Variants in PTPRT observed in about 807,000 individuals in gnomAD.
PTPRT encodes the protein receptor-type tyrosine-protein phosphatase T.
A neutral mutation model predicts 176.8 loss-of-function variants in PTPRT; 56 were observed. The observed-to-expected ratio is 0.32, with a 90% confidence interval of 0.26 to 0.40. The LOEUF (loss-of-function observed/expected upper bound fraction) is 0.40, where lower values mean the gene tolerates loss of function less well. Ranked by LOEUF, PTPRT falls within the 10% of genes least tolerant of loss-of-function variation. The pLI, the probability that PTPRT is intolerant of heterozygous loss-of-function variation, is 1.00. For synonymous variants in PTPRT, 783 were observed against 739.0 expected, an observed-to-expected ratio of 1.06 and a Z score of -0.96; for missense variants, 1,540 against 1,908.2, an observed-to-expected ratio of 0.81 and a Z score of 3.60.
chr20:43,075,604 T>C (rs1184355970), intron 1 of PTPRT, among the ~76,000 whole-genome samples: 1 of 152,250 alleles, frequency 6.6e-6, no homozygotes, highest in Non-Finnish European at 1.5e-5. Flanking sequence ...TCATTTAACA[T>C]GAACTCTTCC....
At chr20:42,507,117 C>T (rs1294083322) in intron 7 of PTPRT, among the ~76,000 whole-genome samples, 1 of 152,084 alleles carries the variant, frequency 6.6e-6, no homozygotes, top group Admixed American at 6.5e-5. Context: ...GTTTCCCACT[C>T]ACTTTATATA....
At chr20:42,729,741 C>T (rs1226754286) in intron 6 of PTPRT, among the ~76,000 whole-genome samples, 1 of 152,204 alleles carries the variant, frequency 6.6e-6, no homozygotes, top group African/African-American at 2.4e-5. Context: ...CCATTCAGAT[C>T]TCTTGGGGAG....
intron 1 of PTPRT, among the ~76,000 whole-genome samples, chr20:42,901,131 T>C (rs1210598764): frequency 6.6e-6 from 1 of 152,174 alleles, no homozygotes; most frequent in Non-Finnish European, 1.5e-5. Context: ...CAATAAATAG[T>C]CTGGGCTTCC....
chr20:42,295,525 AAT>A (rs2057374595), intron 12 of PTPRT, among the ~76,000 whole-genome samples: 1 of 152,170 alleles, frequency 6.6e-6, no homozygotes, highest in South Asian at 2.1e-4. Flanking sequence ...GTAAAAGTTT[AAT>A]ATGTTTAACT....
At chr20:42,771,654 T>C in intron 4 of PTPRT, 104 bp from the exon 5 acceptor site, 1 of 875,842 alleles carries the variant, frequency 1.1e-6, no homozygotes. Flanking sequence ...AGGGTGGAAC[T>C]GGCACTTAAG....
At chr20:43,000,564 A>G (rs1044603814) in intron 1 of PTPRT, among the ~76,000 whole-genome samples, 8 of 152,238 alleles carry the variant, frequency 5.3e-5, no homozygotes, top group African/African-American at 1.9e-4. Flanking sequence ...GCTAGGAAAA[A>G]AGTTAAATCA....
chr20:43,048,897 G>A (rs983426408), intron 1 of PTPRT, among the ~76,000 whole-genome samples: 3 of 152,054 alleles, frequency 2.0e-5, no homozygotes, highest in South Asian at 4.1e-4. Flanking sequence ...ACACCTGCTC[G>A]CCTCTGCCCA....
In PTPRT at chr20:42,074,025, C is replaced by T. The variant is rs1982540092; in HGVS notation, c.*6854G>A. ...TCCTAGTTATACTCAGAGGAGTGAC[C>T]TGGGTCTAGCAAACTGTGCTTGACT... On this transcript the variant is annotated 3_prime_UTR_variant, in exon 31 of 31. Coordinates refer to ENST00000373187, the MANE Select transcript of PTPRT (RefSeq NM_007050.6). 4.3e-6 allele frequency: 1 copy of T among 230,258 alleles called. No homozygotes were observed. Among genetic ancestry groups the T allele is most frequent in the Admixed American group, 5.7e-5 (1 of 17,672 alleles). 14.3% of individuals were successfully genotyped at this position (230,258 alleles called of 1,614,324 possible). A position where few individuals can be genotyped will look rare whatever the true frequency, so the allele number is the denominator to read the frequency against.
In PTPRT at chr20:42,079,395, C is replaced by A. The variant is rs1478150236; in HGVS notation, c.*1484G>T. On this transcript the variant is annotated 3_prime_UTR_variant, in exon 31 of 31. Coordinates refer to ENST00000373187, the MANE Select transcript of PTPRT (RefSeq NM_007050.6). ...GCACGGAGAAGTCTCATTGCCATTA[C>A]CTGCCCCTTTGGAACCCAGGATTTC... The A allele has an allele frequency of 1.9e-5, 4 of 214,282 alleles. No homozygotes were observed. Among genetic ancestry groups the A allele is most frequent in the Non-Finnish European group, 3.8e-5 (4 of 106,058 alleles). 13.3% of individuals were successfully genotyped at this position (214,282 alleles called of 1,614,324 possible). A position where few individuals can be genotyped will look rare whatever the true frequency, so the allele number is the denominator to read the frequency against.
At chr20:42,285,357 G>C (rs2057212244) in intron 12 of PTPRT, among the ~76,000 whole-genome samples, 1 of 151,976 alleles carries the variant, frequency 6.6e-6, no homozygotes, top group Non-Finnish European at 1.5e-5. Context: ...AAAAGATTTT[G>C]AAAGTAATAT....
chr20:42,636,856 T>C (rs986540370), intron 7 of PTPRT, among the ~76,000 whole-genome samples: 3 of 152,212 alleles, frequency 2.0e-5, no homozygotes, highest in African/African-American at 7.2e-5. Context: ...TGGTGAGATG[T>C]GCAAGTTCCA....
chr20:42,633,885 ATAAT>A (rs1368818223), intron 7 of PTPRT, among the ~76,000 whole-genome samples: 3 of 72,410 alleles, frequency 4.1e-5, no homozygotes, highest in African/African-American at 1.9e-4. Flanking sequence ...ATATTATAAT[ATAAT>A]TATTATATAT....
rs757598616 is a variant in PTPRT, at chr20:42,118,519, G to A, written c.2885-19C>T. ...ATCGGACCTGCCAACAGAGAAGACA[G>A]TGAGGTTAGAGAATGCAAGTGCAAA... On this transcript the variant is annotated intron_variant, in intron 20 of 30. Coordinates refer to ENST00000373187, the MANE Select transcript of PTPRT (RefSeq NM_007050.6). 1.3e-6 allele frequency: 2 copies of A among 1,593,290 alleles called. No homozygotes were observed. Among genetic ancestry groups the A allele is most frequent in the Non-Finnish European group, 1.7e-6 (2 of 1,168,428 alleles).
intron 1 of PTPRT, among the ~76,000 whole-genome samples, chr20:43,174,889 A>G (rs1314113926): frequency 1.3e-5 from 2 of 152,230 alleles, no homozygotes; most frequent in East Asian, 3.8e-4. Flanking sequence ...TTTATCAAAG[A>G]TATCCAATGA....
chr20:42,369,423 C>T (rs1216393942), intron 9 of PTPRT, among the ~76,000 whole-genome samples: 4 of 152,186 alleles, frequency 2.6e-5, no homozygotes, highest in Non-Finnish European at 5.9e-5. Flanking sequence ...AATTTTAATA[C>T]CCTCTCTACC....
chr20:42,215,885 C>T (rs2055757137), intron 15 of PTPRT, among the ~76,000 whole-genome samples: 1 of 152,164 alleles, frequency 6.6e-6, no homozygotes. Flanking sequence ...CTATATAGGG[C>T]CATTCCTTGC....
chr20:42,946,822 T>C (rs1383312664), intron 1 of PTPRT, among the ~76,000 whole-genome samples: 2 of 152,166 alleles, frequency 1.3e-5, no homozygotes, highest in African/African-American at 4.8e-5. Context: ...CTGTTGACAT[T>C]TTGAGCAAGG....
chr20:42,989,067 A>G (rs1983752131), intron 1 of PTPRT, among the ~76,000 whole-genome samples: 1 of 152,232 alleles, frequency 6.6e-6, no homozygotes, highest in Non-Finnish European at 1.5e-5. Flanking sequence ...GTGTGAATGA[A>G]TTAGTAAATG....
At position 43,152,211 on chromosome 20, in the gene PTPRT, G is replaced by GA. The variant is rs574161068; in HGVS notation, c.88+37434dup. ...ACAACTACCTTGAAAAGTTAGCCAAGAAAAAAAAAATGGAAGGAAATATGC... is the reference window on the plus strand; with the variant it reads ...ACAACTACCTTGAAAAGTTAGCCAAGAAAAAAAAAAATGGAAGGAAATATGC... On this transcript the variant is annotated intron_variant, in intron 1 of 30. Coordinates refer to ENST00000373187, the MANE Select transcript of PTPRT (RefSeq NM_007050.6). Among the ~76,000 whole-genome samples the GA allele has an allele frequency of 2.2e-4, 33 of 148,728 alleles. No homozygotes were observed. In the East Asian group the frequency reaches 2.9e-3, roughly 13 times the overall value.
Sources: gnomAD v4.1 joint callset for allele counts (sites outside exome capture counted in the v4.1 genomes callset) on GRCh38, gnomAD v4.1.1 for gene constraint, MANE v1.5 for transcripts, NCBI Gene and HGNC (gene_info 2026-07-23, HGNC 2026-07-21) for gene names.